Variants in CAMTA1 observed in about 807,000 individuals in gnomAD.
CAMTA1 encodes calmodulin-binding transcription activator 1.
A neutral mutation model predicts 170.9 loss-of-function variants in CAMTA1; 27 were observed. The observed-to-expected ratio is 0.16, with a 90% CI of 0.12 to 0.22. CAMTA1 has a LOEUF of 0.22. Ranked by LOEUF, CAMTA1 falls within the 10% of genes least tolerant of loss-of-function variation. The pLI is 1.00. For synonymous variants in CAMTA1, 833 were observed against 891.5 expected, an observed-to-expected ratio of 0.93 and a Z score of 1.17; for missense variants, 1,619 against 2,217.2, an observed-to-expected ratio of 0.73 and a Z score of 5.42.
chr1:6,811,227 C>A (rs761437288), intron 1 of CAMTA1, among the ~76,000 whole-genome samples: 8 of 152,176 alleles, frequency 5.3e-5, no homozygotes, highest in African/African-American at 7.2e-5. Flanking sequence ...TGAGGTAATT[C>A]ATATGAAGTG....
intron 4 of CAMTA1, among the ~76,000 whole-genome samples, chr1:7,238,059 A>G (rs560994206): frequency 6.6e-6 from 1 of 152,306 alleles, no homozygotes; most frequent in South Asian, 2.1e-4. Context: ...AAAACATACT[A>G]TTATGGAAAA....
intron 12 of CAMTA1, among the ~76,000 whole-genome samples, chr1:7,733,734 A>G (rs1345989331): frequency 6.6e-6 from 1 of 152,104 alleles, no homozygotes; most frequent in Non-Finnish European, 1.5e-5. Context: ...TCCTTTACAC[A>G]GTTAAGTTTT....
chr1:7,021,280 C>T (rs576832268), intron 3 of CAMTA1, among the ~76,000 whole-genome samples: 31 of 152,172 alleles, frequency 2.0e-4, no homozygotes, highest in Non-Finnish European at 3.5e-4. Flanking sequence ...TAGGAAGGTG[C>T]GGGGTCTCTG....
intron 11 of CAMTA1, among the ~76,000 whole-genome samples, chr1:7,700,546 A>G (rs1425986302): frequency 6.6e-6 from 1 of 152,206 alleles, no homozygotes; most frequent in Admixed American, 6.5e-5. Context: ...CATTCATGCT[A>G]CAAGTCCAAC....
chr1:7,595,308 C>T (rs985859569), intron 6 of CAMTA1, among the ~76,000 whole-genome samples: 1 of 152,182 alleles, frequency 6.6e-6, no homozygotes, highest in Non-Finnish European at 1.5e-5. Flanking sequence ...TAATTTTCAT[C>T]GTATTTTTGG....
intron 6 of CAMTA1, among the ~76,000 whole-genome samples, chr1:7,574,077 T>C (rs2095159265): frequency 8.3e-6 from 1 of 119,822 alleles, no homozygotes; most frequent in African/African-American, 8.4e-5. Flanking sequence ...TCTTAACAAA[T>C]TACTTCCATA....
chr1:6,850,945 G>A (rs1660141029), intron 3 of CAMTA1, among the ~76,000 whole-genome samples: 1 of 152,178 alleles, frequency 6.6e-6, no homozygotes, highest in African/African-American at 2.4e-5. Flanking sequence ...TTCCTGGCTG[G>A]ATCAAGGTGT....
intron 5 of CAMTA1, among the ~76,000 whole-genome samples, chr1:7,400,185 G>T: frequency 6.6e-6 from 1 of 151,936 alleles, no homozygotes; most frequent in East Asian, 1.9e-4. Flanking sequence ...TTTCTCTTTT[G>T]TACTGTGGGT....
At chr1:7,048,193 G>C (rs1705719234) in intron 3 of CAMTA1, among the ~76,000 whole-genome samples, 1 of 152,108 alleles carries the variant, frequency 6.6e-6, no homozygotes. Context: ...GCTGGCCCTA[G>C]AGCTGTGCTT....
chr1:6,830,098 G>A (rs983652928), intron 3 of CAMTA1, among the ~76,000 whole-genome samples: 6 of 150,940 alleles, frequency 4.0e-5, no homozygotes, highest in African/African-American at 9.7e-5. Context: ...GTGCAGTGGC[G>A]CGATCTCCGC....
At chr1:7,220,298 C>T (rs553516823) in intron 4 of CAMTA1, among the ~76,000 whole-genome samples, 1 of 152,306 alleles carries the variant, frequency 6.6e-6, no homozygotes, top group South Asian at 2.1e-4. Flanking sequence ...AAATCCCAGG[C>T]CTCCTCGAAG....
At chr1:7,689,111 AAGT>A (rs752477947) in intron 11 of CAMTA1, among the ~76,000 whole-genome samples, 3 of 151,718 alleles carry the variant, frequency 2.0e-5, no homozygotes, top group Non-Finnish European at 4.4e-5. Flanking sequence ...AAAATACAAA[AAGT>A]AGCCAGGTGT....
Position 6,785,461 on chromosome 1 carries a change from G to C in CAMTA1, c.-70G>C. On this transcript the variant is annotated 5_prime_UTR_variant, in exon 1 of 23. Transcript: ENST00000303635. The stretch of plus-strand genomic sequence containing the variant: ...CCAGGGCGGGTGCGCGGCGGCGGCG[G>C]GGTGGCTGGGCCGGCGGCGGCGGCG... 3 of 977,908 alleles carry C rather than the reference G, an allele frequency of 3.1e-6. No homozygotes were observed. Among genetic ancestry groups the C allele is most frequent in the Non-Finnish European group, 3.7e-6 (3 of 811,190 alleles). 60.6% of individuals were successfully genotyped at this position (977,908 alleles called of 1,614,324 possible).
At chr1:7,471,842 G>C (rs555902499) in intron 6 of CAMTA1, among the ~76,000 whole-genome samples, 1 of 152,212 alleles carries the variant, frequency 6.6e-6, no homozygotes, top group Non-Finnish European at 1.5e-5. Context: ...ACCTCCTCAT[G>C]TGCCCCTTTC....
chr1:7,230,120 A>C (rs1662459312), intron 4 of CAMTA1, among the ~76,000 whole-genome samples: 1 of 150,420 alleles, frequency 6.6e-6, no homozygotes, highest in South Asian at 2.1e-4. Flanking sequence ...GTCCCCCCCC[A>C]CCACATCTGG....
Position 7,674,082 on chromosome 1 carries a change from G to A in CAMTA1, c.2779+3045G>A, listed in dbSNP as rs545561638. Among the ~76,000 whole-genome samples the A allele has an allele frequency of 6.6e-6, 1 of 152,308 alleles. No homozygotes were observed. Among genetic ancestry groups the A allele is most frequent in the South Asian group, 2.1e-4 (1 of 4,828 alleles). Reference sequence around the variant, plus strand: ...AGAATCAAACTGGCCTCACCAAAAAGAGAGGCTCAGAGGCTTATGAGCACA... The same window carrying A: ...AGAATCAAACTGGCCTCACCAAAAAAAGAGGCTCAGAGGCTTATGAGCACA... On this transcript the variant is annotated intron_variant, in intron 10 of 22. Transcript: ENST00000303635. This position sits in a 1 kb window ranked among gnomAD's most constrained non-coding sequence, Gnocchi z 4.1.
Position 6,971,039 on chromosome 1 carries a change from T to TA in CAMTA1, c.235-120265_235-120264insA, listed in dbSNP as rs1692436847. ...GGGCCTTCCTTCCTTCTCAGGGCTTTGGAAGCCCCTCTTCTTTCCAAAGGG... is the reference window on the plus strand; with the variant it reads ...GGGCCTTCCTTCCTTCTCAGGGCTTTAGGAAGCCCCTCTTCTTTCCAAAGGG... On this transcript the variant is annotated intron_variant, in intron 3 of 22. Transcript: ENST00000303635. This position sits in a 1 kb window ranked among gnomAD's most constrained non-coding sequence, Gnocchi z 4.6. 6.6e-6 allele frequency among the ~76,000 whole-genome samples: 1 copy of TA among 152,210 alleles called. No homozygotes were observed. Among genetic ancestry groups the TA allele is most frequent in the African/African-American group, 2.4e-5 (1 of 41,458 alleles).
At chr1:7,466,227 G>A (rs892759653) in intron 5 of CAMTA1, among the ~76,000 whole-genome samples, 1 of 152,140 alleles carries the variant, frequency 6.6e-6, no homozygotes, top group African/African-American at 2.4e-5. Flanking sequence ...ACAAAACACC[G>A]TGTCTTGAAA....
At chr1:7,037,555 A>G (rs1173869325) in intron 3 of CAMTA1, among the ~76,000 whole-genome samples, 1 of 152,330 alleles carries the variant, frequency 6.6e-6, no homozygotes, top group East Asian at 1.9e-4. Flanking sequence ...AAATTTAAAA[A>G]CAGGCCGGGC....
Sources: gnomAD v4.1 joint callset for allele counts (sites outside exome capture counted in the v4.1 genomes callset) on GRCh38, gnomAD v4.1.1 for gene constraint, Gnocchi (gnomAD v3.1) non-coding constraint, MANE v1.5 for transcripts, NCBI Gene and HGNC (gene_info 2026-07-23, HGNC 2026-07-21) for gene names.